The following CIB1 variants were observed in gnomAD, a reference collection of about 807,000 sequenced individuals.
CIB1 encodes calcium and integrin-binding protein 1.
In CIB1, 19 loss-of-function variants were observed where a neutral mutation model predicts 25.0. That is an observed-to-expected ratio of 0.76 (90% CI 0.53 to 1.12). The LOEUF (loss-of-function observed/expected upper bound fraction) is 1.12. Ranked by LOEUF, CIB1 falls within the 50% of genes most tolerant of loss-of-function variation. The probability of loss-of-function intolerance (pLI) is 0.00; values close to 1 mark genes in which losing one functional copy is unlikely to be tolerated. For missense variants in CIB1, 236 were observed against 242.6 expected, an observed-to-expected ratio of 0.97 and a Z score of 0.18; for synonymous variants, 104 against 98.5, an observed-to-expected ratio of 1.06 and a Z score of -0.33.
At chr15:90,248,811 C>T in the CIB1 span, among the ~76,000 whole-genome samples, 1 of 145,806 alleles carries the variant, frequency 6.9e-6, no homozygotes, top group Non-Finnish European at 1.5e-5. Flanking sequence ...CTAGATTTAG[C>T]CACACAGTAT....
At chr15:90,262,584 C>G in the CIB1 span, 1 of 1,534,798 alleles carries the variant, frequency 6.5e-7, no homozygotes, top group Non-Finnish European at 8.7e-7. Context: ...CAGGGTGAAT[C>G]AGCTGGGGAG....
the CIB1 span, chr15:90,265,201 T>G: frequency 7.4e-7 from 1 of 1,344,508 alleles, no homozygotes; most frequent in Non-Finnish European, 9.6e-7. Context: ...AGCCATGTAC[T>G]CATTTCTGCT....
At chr15:90,247,789 G>A in the CIB1 span, among the ~76,000 whole-genome samples, 4 of 150,894 alleles carry the variant, frequency 2.7e-5, no homozygotes, top group African/African-American at 9.9e-5. Context: ...AGGCTGGAGT[G>A]CAGTGGCGCG....
chr15:90,252,438 C>G, the CIB1 span, among the ~76,000 whole-genome samples: 22 of 152,308 alleles, frequency 1.4e-4, no homozygotes, highest in African/African-American at 3.8e-4. Context: ...ACTTCAGCTT[C>G]TCAAAGGCCT....
intron 2 of CIB1, 69 bp downstream of exon 2, chr15:90,233,600 G>C (rs1465219888): frequency 9.8e-6 from 15 of 1,537,122 alleles, no homozygotes; most frequent in African/African-American, 4.1e-5. Flanking sequence ...CCCCTCCCTC[G>C]GGACAGCGCC....
At chr15:90,263,859 T>G in the CIB1 span, 14 of 888,066 alleles carry the variant, frequency 1.6e-5, no homozygotes, top group Admixed American at 1.8e-4. Context: ...TGCATCCAGT[T>G]CTGCCCCATG....
chr15:90,249,792 TCTC>T, the CIB1 span: 1 of 152,048 alleles, frequency 6.6e-6, no homozygotes, highest in Non-Finnish European at 1.5e-5. Flanking sequence ...GCCCCTCAGC[TCTC>T]CTCGTAACCA....
the CIB1 span, among the ~76,000 whole-genome samples, chr15:90,246,048 C>A: frequency 9.9e-5 from 15 of 152,084 alleles, no homozygotes; most frequent in African/African-American, 3.6e-4. Flanking sequence ...CCGAGGCGGG[C>A]AGATCACCGG....
chr15:90,233,955 G>C, upstream of CIB1: 1 of 1,425,690 alleles, frequency 7.0e-7, no homozygotes, highest in Non-Finnish European at 9.2e-7. Flanking sequence ...TCCGCCCTTG[G>C]GCCGCGTCAC....
At chr15:90,256,630 CTTCCTTCCTTCTTTCT>C in the CIB1 span, among the ~76,000 whole-genome samples, 1 of 58,074 alleles carries the variant, frequency 1.7e-5, no homozygotes, top group African/African-American at 6.1e-5. Context: ...TCCTTCCTTC[CTTCCTTCCTTCTTTCT>C]TTCTCCCTTT....
the CIB1 span, chr15:90,242,032 C>T: frequency 1.2e-6 from 2 of 1,612,332 alleles, no homozygotes; most frequent in South Asian, 1.1e-5. Context: ...GTACAGGCAG[C>T]ACTGGTGGCC....
chr15:90,233,962 T>C, upstream of CIB1: 2 of 1,405,538 alleles, frequency 1.4e-6, no homozygotes, highest in East Asian at 2.6e-5. Flanking sequence ...TTGGGCCGCG[T>C]CACTGCCCGG....
upstream of CIB1, chr15:90,234,105 C>T (rs1962578646): frequency 2.5e-6 from 1 of 398,314 alleles, no homozygotes; most frequent in African/African-American, 2.1e-5. Flanking sequence ...GAGGCGGGGC[C>T]CGGGGAGGGG....
At chr15:90,257,968 G>A in the CIB1 span, 18 of 1,449,224 alleles carry the variant, frequency 1.2e-5, 1 homozygote, top group Non-Finnish European at 1.1e-5. Flanking sequence ...TTAGTGTGAG[G>A]GAGCCTCCTG....
chr15:90,252,849 A>C, the CIB1 span, among the ~76,000 whole-genome samples: 13 of 152,216 alleles, frequency 8.5e-5, no homozygotes, highest in East Asian at 2.5e-3. Context: ...CTAAAAATAC[A>C]AAAATTACCC....
At chr15:90,260,662 C>T in the CIB1 span, among the ~76,000 whole-genome samples, 2 of 151,902 alleles carry the variant, frequency 1.3e-5, no homozygotes, top group African/African-American at 4.8e-5. Context: ...ACCATCCTGG[C>T]CAACATGGTG....
At chr15:90,230,888 G>T in intron 6 of CIB1, 46 bp downstream of exon 6, 1 of 1,519,544 alleles carries the variant, frequency 6.6e-7, no homozygotes, top group Non-Finnish European at 9.1e-7. Context: ...GAGGCAGCAG[G>T]TCGGAACCTG....
upstream of CIB1, chr15:90,234,001 C>T: frequency 8.4e-7 from 1 of 1,183,958 alleles, no homozygotes; most frequent in Non-Finnish European, 1.1e-6. Flanking sequence ...CTGGGGCCAC[C>T]ACCCCCGGGC....
the CIB1 span, chr15:90,258,401 T>C: frequency 1.3e-6 from 1 of 794,962 alleles, no homozygotes; most frequent in Non-Finnish European, 2.1e-6. Context: ...TGGGCAGGAA[T>C]GAGCAGAAGG....
Sources: allele counts gnomAD v4.1 joint callset (sites outside exome capture counted in the v4.1 genomes callset), GRCh38; gene constraint gnomAD v4.1.1; transcripts MANE v1.5; gene names NCBI Gene and HGNC (gene_info 2026-07-23, HGNC 2026-07-21).